CRACDL: variants seen among roughly 807,000 people sequenced by gnomAD.
The protein encoded by CRACDL is CRACD-like protein.
In CRACDL, 26 loss-of-function variants were observed where a neutral mutation model predicts 70.6. The ratio of observed to expected loss-of-function variants is 0.37; its 90% CI spans 0.27 to 0.51. The LOEUF (loss-of-function observed/expected upper bound fraction) is 0.51, where lower values mean the gene tolerates loss of function less well. Ranked by LOEUF, CRACDL falls within the 20% of genes least tolerant of loss-of-function variation. The probability of loss-of-function intolerance (pLI) is 0.94; values close to 1 mark genes in which losing one functional copy is unlikely to be tolerated. For missense variants in CRACDL, 1,283 were observed against 1,376.9 expected (o/e 0.93, Z 1.08); for synonymous variants, 618 against 615.2 (o/e 1.00, Z -0.07).
intron 1 of CRACDL, among the ~76,000 whole-genome samples, chr2:98,905,577 G>A (rs1182561732): frequency 6.6e-6 from 1 of 151,534 alleles, no homozygotes; most frequent in East Asian, 1.9e-4. Context: ...TATTTGGGAA[G>A]CGTTACTCCC....
rs557905657 is a variant in CRACDL at position 98,823,477 on chromosome 2, C to T, written c.796G>A (p.Glu266Lys). The change falls in exon 7 of 10, where the codon GAG (glutamate) becomes AAG (lysine). Residue 266 changes from glutamate to lysine, a missense_variant. Glu to Lys is a moderately conservative substitution (Grantham distance 56, BLOSUM62 1). Coordinates refer to ENST00000397899, the MANE Select transcript of CRACDL (RefSeq NM_207362.3). This position sits in a 1 kb window ranked among gnomAD's most constrained non-coding sequence, Gnocchi z 4.0. ...TCTPEEEENE[E>K]KPLLEVSPEE... ...GGGCTGACTTCCAAAAGTGGCTTCT[C>T]CTCGTTTTCCTCCTCCTCTGGGGTG... 3.3e-5 allele frequency: 52 copies of T among 1,594,674 alleles called. No individual in the cohort carries two copies. In the East Asian group the frequency reaches 6.5e-4, roughly 20 times the overall value.
chr2:98,816,005 G>A (rs1704768983), intron 7 of CRACDL, among the ~76,000 whole-genome samples: 1 of 152,184 alleles, frequency 6.6e-6, no homozygotes, highest in Non-Finnish European at 1.5e-5. Context: ...TTGGAGTAGG[G>A]CCAAGGCTGT....
At chr2:98,831,179 G>A (rs1402822948) in intron 5 of CRACDL, among the ~76,000 whole-genome samples, 1 of 152,182 alleles carries the variant, frequency 6.6e-6, no homozygotes, top group African/African-American at 2.4e-5. Flanking sequence ...CCCTGCTCCT[G>A]GAATGAGCAG....
intron 7 of CRACDL, among the ~76,000 whole-genome samples, chr2:98,818,511 G>A (rs1248732865): frequency 6.6e-6 from 1 of 152,198 alleles, no homozygotes. Flanking sequence ...ATGCCCTGGA[G>A]GGAGGACGGG....
intron 1 of CRACDL, among the ~76,000 whole-genome samples, chr2:98,909,761 G>C (rs1032111077): frequency 1.7e-4 from 26 of 152,092 alleles, no homozygotes; most frequent in African/African-American, 6.3e-4. Context: ...CTTTTTCCCT[G>C]GTTCCCTTAC....
At chr2:98,865,148 C>G (rs1707084943) in intron 1 of CRACDL, among the ~76,000 whole-genome samples, 1 of 152,072 alleles carries the variant, frequency 6.6e-6, no homozygotes, top group Non-Finnish European at 1.5e-5. Flanking sequence ...GTGCCTCAGC[C>G]CTGCTCTCCC....
intron 7 of CRACDL, among the ~76,000 whole-genome samples, chr2:98,812,275 G>A (rs72827746): frequency 1.3e-5 from 2 of 152,222 alleles, no homozygotes; most frequent in Non-Finnish European, 2.9e-5. Context: ...GCACCTGGCT[G>A]GTTTTTGGTG....
intron 1 of CRACDL, among the ~76,000 whole-genome samples, chr2:98,924,338 G>T (rs932745686): frequency 6.6e-6 from 1 of 152,150 alleles, no homozygotes; most frequent in African/African-American, 2.4e-5. Flanking sequence ...TGGTCTCCTG[G>T]GCTGGGGACA....
intron 1 of CRACDL, among the ~76,000 whole-genome samples, chr2:98,866,475 C>CTTTTTTTTTTTTTTTTT (rs1173322192): frequency 6.9e-5 from 3 of 43,228 alleles, no homozygotes; most frequent in African/African-American, 2.0e-4. Context: ...ATCACTTCTT[C>CTTTTTTTTTTTTTTTTT]TTTTTTTTTT....
intron 1 of CRACDL, among the ~76,000 whole-genome samples, chr2:98,868,836 C>T (rs897057411): frequency 6.6e-6 from 1 of 152,014 alleles, no homozygotes; most frequent in Non-Finnish European, 1.5e-5. Context: ...TATGAATATG[C>T]GTGTGTGTCA....
chr2:98,855,285 CAAA>C (rs1209549636), intron 1 of CRACDL, among the ~76,000 whole-genome samples: 3 of 96,676 alleles, frequency 3.1e-5, no homozygotes, highest in African/African-American at 7.7e-5. Context: ...GACTCCATCT[CAAA>C]AAAAAAAAAA....
At chr2:98,815,703 T>C (rs1000784507) in intron 7 of CRACDL, among the ~76,000 whole-genome samples, 1 of 152,168 alleles carries the variant, frequency 6.6e-6, no homozygotes, top group South Asian at 2.1e-4. Context: ...TCTAGGCTGG[T>C]GCATACTTGG....
chr2:98,891,427 G>A (rs558762539), intron 1 of CRACDL, among the ~76,000 whole-genome samples: 12 of 145,214 alleles, frequency 8.3e-5, no homozygotes, highest in Middle Eastern at 3.5e-3. Context: ...GAGCTTTTTG[G>A]GTTTCAGAAT....
At chr2:98,840,560 GTTTGT>G (rs1705985616) in intron 2 of CRACDL, 1 of 151,942 alleles carries the variant, frequency 6.6e-6, no homozygotes, top group South Asian at 2.1e-4. Flanking sequence ...TTTTTAAAGC[GTTTGT>G]TTTATCAATT....
intron 1 of CRACDL, among the ~76,000 whole-genome samples, chr2:98,934,615 G>C (rs1709164447): frequency 6.6e-6 from 1 of 152,148 alleles, no homozygotes; most frequent in Non-Finnish European, 1.5e-5. Context: ...CAGCATCCAT[G>C]GATGGTACAC....
At chr2:98,838,794 G>A (rs551069970) in intron 2 of CRACDL, among the ~76,000 whole-genome samples, 3 of 152,346 alleles carry the variant, frequency 2.0e-5, no homozygotes, top group Admixed American at 6.5e-5. Context: ...ACTGCATGAT[G>A]AGCTAATGAC....
chr2:98,861,320 G>A (rs139509148), intron 1 of CRACDL, among the ~76,000 whole-genome samples: 4,501 of 152,176 alleles, frequency 0.03, 152 homozygotes, highest in South Asian at 0.16. Context: ...GCACTCCAGC[G>A]TGGGTGACAG....
chr2:98,836,544 T>G (rs1705789155), intron 3 of CRACDL, among the ~76,000 whole-genome samples: 1 of 152,018 alleles, frequency 6.6e-6, no homozygotes, highest in Non-Finnish European at 1.5e-5. Flanking sequence ...AGGGAGGACA[T>G]CAGCAAGCGG....
intron 1 of CRACDL, among the ~76,000 whole-genome samples, chr2:98,928,794 T>A (rs1313613744): frequency 6.6e-6 from 1 of 151,946 alleles, no homozygotes; most frequent in African/African-American, 2.4e-5. Context: ...TCTATAAAAA[T>A]GCCATTTTCA....
Sources: allele counts gnomAD v4.1 joint callset (sites outside exome capture counted in the v4.1 genomes callset), GRCh38; gene constraint gnomAD v4.1.1; non-coding constraint Gnocchi (gnomAD v3.1); transcripts MANE v1.5; gene names NCBI Gene and HGNC (gene_info 2026-07-23, HGNC 2026-07-21).